Variants in MDFIC observed in about 807,000 individuals in gnomAD.
MDFIC encodes the protein myoD family inhibitor domain-containing protein.
In MDFIC, 17 loss-of-function variants were observed where a neutral mutation model predicts 23.2. The observed-to-expected ratio is 0.73, with a 90% CI of 0.50 to 1.10. The LOEUF is 1.10. Ranked by LOEUF, MDFIC falls within the 50% of genes least tolerant of loss-of-function variation. The probability of loss-of-function intolerance (pLI) is 0.00; values close to 1 mark genes in which losing one functional copy is unlikely to be tolerated. For synonymous variants in MDFIC, 120 were observed against 115.2 expected (o/e 1.04, Z -0.27); for missense variants, 356 against 316.6 (o/e 1.12, Z -0.95).
At chr7:114,937,290 A>G (rs761919143) in intron 2 of MDFIC, among the ~76,000 whole-genome samples, 21 of 152,210 alleles carry the variant, frequency 1.4e-4, no homozygotes, top group Non-Finnish European at 2.6e-4. Flanking sequence ...GTCATTTCTG[A>G]GTAGGACATA....
intron 4 of MDFIC, among the ~76,000 whole-genome samples, chr7:114,993,266 C>T (rs12668301): frequency 0.12 from 18,454 of 151,930 alleles, 1,480 homozygotes; most frequent in East Asian, 0.36. Context: ...GTCTTGGTAG[C>T]GGTCTATCAA....
chr7:114,976,449 C>G (rs1248995140), intron 3 of MDFIC, among the ~76,000 whole-genome samples: 2 of 152,062 alleles, frequency 1.3e-5, no homozygotes, highest in Non-Finnish European at 2.9e-5. Context: ...CTAGTTGATA[C>G]AAGAAGTTAC....
intron 4 of MDFIC, among the ~76,000 whole-genome samples, chr7:114,997,811 GAAAGAAAAGA>G (rs773090785): frequency 2.0e-5 from 3 of 150,550 alleles, no homozygotes; most frequent in East Asian, 2.0e-4. Flanking sequence ...GAGAAAGAAA[GAAAGAAAAGA>G]AAAGAAAAGA....
chr7:114,965,017 C>T (rs552012511), intron 3 of MDFIC, among the ~76,000 whole-genome samples: 4 of 152,212 alleles, frequency 2.6e-5, no homozygotes, highest in East Asian at 3.9e-4. Context: ...GTGGAGAGGA[C>T]GGATCTTTAA....
intron 4 of MDFIC, among the ~76,000 whole-genome samples, chr7:115,001,806 G>A (rs1359489025): frequency 6.6e-6 from 1 of 151,984 alleles, no homozygotes; most frequent in Non-Finnish European, 1.5e-5. Flanking sequence ...AATTAACCAT[G>A]AAAAAAATAT....
At position 114,923,232 on chromosome 7, in the gene MDFIC, T is replaced by C. The variant is rs1217075436; in HGVS notation, c.94+105T>C. On this transcript the variant is annotated intron_variant, in intron 2 of 4. Coordinates refer to ENST00000393486, the MANE Select transcript of MDFIC (RefSeq NM_001166345.3). ...TGGGGGGAGTGCTGTGAGGAGGGGC[T>C]CCCACTCGTAGTTGAGAACTTTTGC... 10 of 1,401,658 alleles carry C rather than the reference T, an allele frequency of 7.1e-6. No individual in the cohort carries two copies. In the East Asian group the frequency reaches 2.5e-4, roughly 35 times the overall value. The allele number at this position is 1,401,658 out of a possible 1,614,324, so 86.8% of individuals were successfully genotyped here. A position where few individuals can be genotyped will look rare whatever the true frequency, so the allele number is the denominator to read the frequency against.
intron 4 of MDFIC, among the ~76,000 whole-genome samples, chr7:114,981,931 C>T (rs771330818): frequency 6.8e-4 from 104 of 152,150 alleles, no homozygotes; most frequent in Non-Finnish European, 2.1e-4. Context: ...ACAAAAAATC[C>T]GTTGAACTGG....
chr7:114,986,016 C>T lies in MDFIC; in HGVS notation c.493+6235C>T, dbSNP rs188374871. ...TATTAACCTGCCCTACCATCTGCAC[C>T]GTGATTACCTTTGCAGTTTTTTTTT... On this transcript the variant is annotated intron_variant, in intron 4 of 4. Coordinates refer to ENST00000393486, the MANE Select transcript of MDFIC (RefSeq NM_001166345.3). Among the ~76,000 whole-genome samples, 214 of 147,908 alleles carry T rather than the reference C, an allele frequency of 1.4e-3. 1 individual carries two copies. The highest frequency in any genetic ancestry group is 2.4e-3 in the Non-Finnish European group (162 of 67,372).
At chr7:114,984,444 G>C (rs1448532813) in intron 4 of MDFIC, among the ~76,000 whole-genome samples, 1 of 151,546 alleles carries the variant, frequency 6.6e-6, no homozygotes, top group Non-Finnish European at 1.5e-5. Flanking sequence ...ACCAGCCCTG[G>C]AAAATAAAAT....
At chr7:114,957,617 A>C (rs534356620) in intron 3 of MDFIC, among the ~76,000 whole-genome samples, 1 of 152,198 alleles carries the variant, frequency 6.6e-6, no homozygotes, top group African/African-American at 2.4e-5. Context: ...TGAGAGGGAG[A>C]TGTGGATGTT....
At chr7:114,972,234 C>A (rs1196728816) in intron 3 of MDFIC, among the ~76,000 whole-genome samples, 1 of 152,140 alleles carries the variant, frequency 6.6e-6, no homozygotes, top group Non-Finnish European at 1.5e-5. Context: ...TGTTCAAAAT[C>A]TACAGGCTTA....
chr7:114,972,005 A>G (rs1036724233), intron 3 of MDFIC, among the ~76,000 whole-genome samples: 1 of 152,168 alleles, frequency 6.6e-6, no homozygotes, highest in Non-Finnish European at 1.5e-5. Flanking sequence ...ATAAATGGGG[A>G]AAAATTATGT....
intron 2 of MDFIC, among the ~76,000 whole-genome samples, chr7:114,935,191 A>G (rs1003082920): frequency 6.6e-6 from 1 of 152,124 alleles, no homozygotes; most frequent in African/African-American, 2.4e-5. Context: ...TGGAAGAGTA[A>G]ATATGAAATT....
chr7:115,002,215 C>T (rs1440149327), intron 4 of MDFIC, among the ~76,000 whole-genome samples: 1 of 152,150 alleles, frequency 6.6e-6, no homozygotes, highest in East Asian at 1.9e-4. Context: ...CCTGATGAAA[C>T]ATTGAACTTA....
At chr7:115,011,355 T>G (rs1725801451) in intron 4 of MDFIC, among the ~76,000 whole-genome samples, 1 of 152,200 alleles carries the variant, frequency 6.6e-6, no homozygotes, top group South Asian at 2.1e-4. Context: ...TCTAATTTTT[T>G]TCAAAAATGA....
At chr7:114,987,189 A>C (rs1479056008) in intron 4 of MDFIC, among the ~76,000 whole-genome samples, 2 of 152,228 alleles carry the variant, frequency 1.3e-5, no homozygotes, top group South Asian at 4.1e-4. Flanking sequence ...GTTTCAAACA[A>C]CTACATATTC....
At chr7:114,992,887 T>C (rs1253691895) in intron 4 of MDFIC, among the ~76,000 whole-genome samples, 1 of 152,208 alleles carries the variant, frequency 6.6e-6, no homozygotes. Context: ...GAGGATTCCC[T>C]CTTTTTCTAT....
chr7:114,963,181 A>G (rs1361881120), intron 3 of MDFIC, among the ~76,000 whole-genome samples: 2 of 152,216 alleles, frequency 1.3e-5, no homozygotes, highest in Non-Finnish European at 2.9e-5. Flanking sequence ...TATAATGGTA[A>G]TGGCGTATAT....
intron 3 of MDFIC, among the ~76,000 whole-genome samples, chr7:114,956,537 T>C (rs919659272): frequency 4.6e-5 from 7 of 152,156 alleles, no homozygotes; most frequent in African/African-American, 1.7e-4. Context: ...GCGGTAAATA[T>C]GCATTTTCCT....
Sources: gnomAD v4.1 joint callset for allele counts (sites outside exome capture counted in the v4.1 genomes callset) on GRCh38, gnomAD v4.1.1 for gene constraint, MANE v1.5 for transcripts, NCBI Gene and HGNC (gene_info 2026-07-23, HGNC 2026-07-21) for gene names.